Variants in PLEKHG1 observed in about 807,000 individuals in gnomAD.
PLEKHG1 encodes pleckstrin homology domain-containing family G member 1.
A neutral mutation model predicts 100.8 loss-of-function variants in PLEKHG1; 44 were observed. The ratio of observed to expected loss-of-function variants is 0.44; its 90% CI spans 0.34 to 0.56. The LOEUF (loss-of-function observed/expected upper bound fraction) is 0.56, where lower values mean the gene tolerates loss of function less well. Among genes scored for constraint, PLEKHG1 ranks in the 20% least tolerant of loss-of-function variants. The pLI is 0.01. For missense variants in PLEKHG1, 1,545 were observed against 1,720.9 expected (o/e 0.90, Z 1.81); for synonymous variants, 640 against 662.5 (o/e 0.97, Z 0.52).
At chr6:150,680,412 G>A (rs368242701) in intron 3 of PLEKHG1, among the ~76,000 whole-genome samples, 1 of 152,156 alleles carries the variant, frequency 6.6e-6, no homozygotes, top group Non-Finnish European at 1.5e-5. Flanking sequence ...GGGAAGTTGT[G>A]TTTCATTTTG....
At chr6:150,833,737 A>T (rs1777082897) in intron 15 of PLEKHG1, among the ~76,000 whole-genome samples, 1 of 152,200 alleles carries the variant, frequency 6.6e-6, no homozygotes, top group Non-Finnish European at 1.5e-5. Flanking sequence ...TATTTTAAGA[A>T]ATCCTGCCCC....
chr6:150,694,955 C>A (rs1780488957), intron 3 of PLEKHG1, among the ~76,000 whole-genome samples: 1 of 152,086 alleles, frequency 6.6e-6, no homozygotes, highest in East Asian at 1.9e-4. Context: ...AAACATTCCC[C>A]CTGGAAAACT....
At chr6:150,727,003 A>G (rs6919370) in intron 1 of PLEKHG1, among the ~76,000 whole-genome samples, 91,787 of 152,200 alleles carry the variant, frequency 0.6, 30,162 homozygotes, top group Non-Finnish European at 0.75. Flanking sequence ...TTAAACGAAC[A>G]TCACTAACTG....
At chr6:150,678,063 C>CATATAT (rs201616866) in intron 3 of PLEKHG1, among the ~76,000 whole-genome samples, 1,900 of 59,976 alleles carry the variant, frequency 0.032, 96 homozygotes, top group East Asian at 0.041. Context: ...TGTTTTGATG[C>CATATAT]ATATATATAT....
intron 1 of PLEKHG1, chr6:150,605,604 A>C (rs1220307332): frequency 6.6e-6 from 1 of 152,194 alleles, no homozygotes; most frequent in Non-Finnish European, 1.5e-5. Flanking sequence ...TGTGATCGGT[A>C]AGGTGGTGGA....
intron 1 of PLEKHG1, among the ~76,000 whole-genome samples, chr6:150,633,729 G>A (rs932562502): frequency 6.6e-6 from 1 of 152,192 alleles, no homozygotes; most frequent in Admixed American, 6.5e-5. Context: ...GATACTAATG[G>A]CCGAGGGGAG....
In PLEKHG1 at chr6:150,735,901, T is replaced by C. The variant is rs148948390; in HGVS notation, c.411+1809T>C. 6.7e-3 allele frequency among the ~76,000 whole-genome samples: 1,020 copies of C among 152,330 alleles called. 16 individuals are homozygous for C. Among genetic ancestry groups the C allele is most frequent in the African/African-American group, 0.023 (954 of 41,570 alleles). On this transcript the variant is annotated intron_variant, in intron 2 of 15. Coordinates refer to ENST00000358517, the Ensembl canonical transcript of PLEKHG1. ...TAGGTGAGAAGAAACAGGTAAGAGATGAATGAAAGAAAACAGATAAAGACA... is the reference window on the plus strand; with the variant it reads ...TAGGTGAGAAGAAACAGGTAAGAGACGAATGAAAGAAAACAGATAAAGACA...
intron 3 of PLEKHG1, among the ~76,000 whole-genome samples, chr6:150,781,661 A>T (rs1318563583): frequency 6.6e-6 from 1 of 152,194 alleles, no homozygotes; most frequent in Non-Finnish European, 1.5e-5. Flanking sequence ...ATAAAAGAAA[A>T]TGATATAAAT....
At chr6:150,696,660 C>T (rs9322273) in intron 3 of PLEKHG1, among the ~76,000 whole-genome samples, 137,469 of 152,218 alleles carry the variant, frequency 0.9, 62,264 homozygotes, top group Non-Finnish European at 0.94. Context: ...GAATAATTGG[C>T]TCATGAGCAT....
chr6:150,834,586 G>T (rs1305352372), intron 15 of PLEKHG1, among the ~76,000 whole-genome samples: 1 of 152,178 alleles, frequency 6.6e-6, no homozygotes, highest in African/African-American at 2.4e-5. Flanking sequence ...CGACTACCTC[G>T]AGTAGTCTTC....
chr6:150,626,006 A>G (rs1777491795), intron 1 of PLEKHG1: 1 of 152,142 alleles, frequency 6.6e-6, no homozygotes, highest in African/African-American at 2.4e-5. Context: ...GGGATGCATG[A>G]TGAAATATGT....
At chr6:150,650,342 G>A (rs1459163098) in intron 2 of PLEKHG1, among the ~76,000 whole-genome samples, 1 of 152,086 alleles carries the variant, frequency 6.6e-6, no homozygotes, top group East Asian at 1.9e-4. Flanking sequence ...CTCCTTTGTT[G>A]GGGGAAATTC....
chr6:150,631,120 T>C (rs934171434), intron 1 of PLEKHG1, among the ~76,000 whole-genome samples: 1 of 152,178 alleles, frequency 6.6e-6, no homozygotes, highest in Non-Finnish European at 1.5e-5. Context: ...AGAAAATCTA[T>C]GCCCAGGAAT....
chr6:150,678,384 C>T (rs910077533), intron 3 of PLEKHG1, among the ~76,000 whole-genome samples: 8 of 151,990 alleles, frequency 5.3e-5, no homozygotes, highest in African/African-American at 1.9e-4. Context: ...CACAACTCTA[C>T]AAAGTGAGCA....
intron 2 of PLEKHG1, among the ~76,000 whole-genome samples, chr6:150,765,029 G>A (rs1033790818): frequency 1.3e-5 from 2 of 152,062 alleles, no homozygotes; most frequent in Admixed American, 1.3e-4. Flanking sequence ...TGGGAGGAAG[G>A]CTTGTATAAA....
intron 11 of PLEKHG1, among the ~76,000 whole-genome samples, chr6:150,819,281 T>G (rs1457847187): frequency 6.6e-6 from 1 of 152,006 alleles, no homozygotes; most frequent in African/African-American, 2.4e-5. Context: ...TAAATCCATA[T>G]AGGCCGGGCA....
chr6:150,780,522 T>C (rs1346911618), intron 3 of PLEKHG1, among the ~76,000 whole-genome samples: 3 of 152,234 alleles, frequency 2.0e-5, no homozygotes, highest in Non-Finnish European at 4.4e-5. Context: ...GTGAGAATAC[T>C]GGACAGTGGC....
intron 3 of PLEKHG1, among the ~76,000 whole-genome samples, chr6:150,693,322 G>A (rs1309220207): frequency 6.6e-6 from 1 of 152,050 alleles, no homozygotes; most frequent in Non-Finnish European, 1.5e-5. Flanking sequence ...AAAAACCTAT[G>A]TGTGACTTAT....
chr6:150,610,934 A>G (rs1776802518), intron 1 of PLEKHG1, among the ~76,000 whole-genome samples: 3 of 152,246 alleles, frequency 2.0e-5, no homozygotes, highest in South Asian at 2.1e-4. Context: ...GAAGTCTCCA[A>G]TATTCCAAAC....
Sources: gnomAD v4.1 joint callset for allele counts (sites outside exome capture counted in the v4.1 genomes callset) on GRCh38, gnomAD v4.1.1 for gene constraint, MANE v1.5 for transcripts, NCBI Gene and HGNC (gene_info 2026-07-23, HGNC 2026-07-21) for gene names.